BTBD9: variants seen among roughly 807,000 people sequenced by gnomAD.
BTBD9 encodes BTB domain containing 9.
BTBD9 carries 49 observed loss-of-function variants against 64.3 expected under a neutral mutation model. The observed-to-expected ratio is 0.76, with a 90% CI of 0.61 to 0.97. The LOEUF is 0.97. Among genes scored for constraint, BTBD9 ranks in the 50% least tolerant of loss-of-function variants. The pLI is 0.00. For synonymous variants in BTBD9, 260 were observed against 274.7 expected, an observed-to-expected ratio of 0.95 and a Z score of 0.53; for missense variants, 598 against 762.1, an observed-to-expected ratio of 0.78 and a Z score of 2.53.
chr6:38,622,639 A>G lies in BTBD9; in HGVS notation c.-28+17161T>C, dbSNP rs185591475. On this transcript the variant is annotated intron_variant, in intron 1 of 10. Coordinates refer to ENST00000481247, the MANE Select transcript of BTBD9 (RefSeq NM_001099272.2). ...TACACAAGCAATGAAAAGCCTATAC[A>G]TGGCCCTGTAACCACGAACACCGTG... Among the ~76,000 whole-genome samples the G allele has an allele frequency of 7.2e-5, 11 of 152,244 alleles. No individual in the cohort carries two copies. The East Asian group carries it at 2.1e-3, about 29-fold the overall frequency.
At chr6:38,303,495 TA>T (rs1414964925) in intron 7 of BTBD9, among the ~76,000 whole-genome samples, 1 of 152,064 alleles carries the variant, frequency 6.6e-6, no homozygotes, top group African/African-American at 2.4e-5. Context: ...TCTGAAAGTA[TA>T]AAACCTTTTA....
intron 9 of BTBD9, among the ~76,000 whole-genome samples, chr6:38,208,413 A>G (rs947242478): frequency 2.6e-5 from 4 of 152,188 alleles, no homozygotes; most frequent in Non-Finnish European, 4.4e-5. Context: ...AATCATATCT[A>G]AAGATGATCT....
At chr6:38,461,089 G>C (rs1770064228) in intron 6 of BTBD9, among the ~76,000 whole-genome samples, 1 of 152,224 alleles carries the variant, frequency 6.6e-6, no homozygotes, top group Admixed American at 6.5e-5. Flanking sequence ...GGGGTAAAGG[G>C]AATGGCACAG....
chr6:38,439,040 T>G (rs952251051), intron 6 of BTBD9, among the ~76,000 whole-genome samples: 1 of 150,882 alleles, frequency 6.6e-6, no homozygotes, highest in Non-Finnish European at 1.5e-5. Context: ...GAAGAGAGTA[T>G]AGTAAGACAG....
chr6:38,460,346 T>C (rs558144079), intron 6 of BTBD9, among the ~76,000 whole-genome samples: 1 of 152,356 alleles, frequency 6.6e-6, no homozygotes, highest in African/African-American at 2.4e-5. Context: ...CCTTATGTCA[T>C]TTCTACCCAG....
At chr6:38,374,323 A>G (rs183319895) in intron 6 of BTBD9, among the ~76,000 whole-genome samples, 33 of 121,792 alleles carry the variant, frequency 2.7e-4, no homozygotes, top group African/African-American at 8.9e-4. Flanking sequence ...ATATATATAT[A>G]TATGTATATA....
chr6:38,246,740 A>G (rs1252216573), intron 9 of BTBD9, among the ~76,000 whole-genome samples: 1 of 152,220 alleles, frequency 6.6e-6, no homozygotes, highest in East Asian at 1.9e-4. Flanking sequence ...ACACAACCAG[A>G]ACTCATTAAT....
At chr6:38,514,970 T>C (rs1298498452) in intron 6 of BTBD9, among the ~76,000 whole-genome samples, 2 of 152,210 alleles carry the variant, frequency 1.3e-5, no homozygotes, top group African/African-American at 4.8e-5. Flanking sequence ...GAACCTAACA[T>C]TTATATTTTA....
chr6:38,244,537 G>A (rs1378760159), intron 9 of BTBD9, among the ~76,000 whole-genome samples: 3 of 151,858 alleles, frequency 2.0e-5, no homozygotes, highest in Non-Finnish European at 4.4e-5. Context: ...TTAACCAGAC[G>A]AACTTGGGAT....
At chr6:38,633,677 T>G (rs1389902672) in intron 1 of BTBD9, among the ~76,000 whole-genome samples, 1 of 152,192 alleles carries the variant, frequency 6.6e-6, no homozygotes, top group Non-Finnish European at 1.5e-5. Context: ...AACACTTAGC[T>G]GCTTAAGAAG....
chr6:38,454,803 A>T (rs565436399), intron 6 of BTBD9, among the ~76,000 whole-genome samples: 338 of 122,738 alleles, frequency 2.8e-3, no homozygotes, highest in African/African-American at 8.5e-3. Context: ...TCTGTCTCTT[A>T]AAAAAAAAAA....
intron 6 of BTBD9, among the ~76,000 whole-genome samples, chr6:38,494,641 C>T (rs1438134887): frequency 2.0e-5 from 3 of 152,142 alleles, no homozygotes; most frequent in African/African-American, 7.2e-5. Context: ...TATATGTGAA[C>T]ATTTCTGTTT....
intron 8 of BTBD9, among the ~76,000 whole-genome samples, chr6:38,257,327 C>T (rs1008828203): frequency 7.9e-5 from 12 of 151,886 alleles, no homozygotes; most frequent in African/African-American, 2.9e-4. Context: ...CCTCAGCCTC[C>T]CAAGTAGTTA....
intron 6 of BTBD9, among the ~76,000 whole-genome samples, chr6:38,386,154 C>G (rs1766159796): frequency 6.6e-6 from 1 of 152,100 alleles, no homozygotes; most frequent in Admixed American, 6.6e-5. Flanking sequence ...ATTTGTAACC[C>G]TAAACGAAAA....
chr6:38,466,559 C>G (rs1263124865), intron 6 of BTBD9, among the ~76,000 whole-genome samples: 1 of 151,960 alleles, frequency 6.6e-6, no homozygotes, highest in Non-Finnish European at 1.5e-5. Flanking sequence ...TCCCAAATTG[C>G]TAGGGATTAC....
intron 6 of BTBD9, among the ~76,000 whole-genome samples, chr6:38,401,495 TCAAA>T (rs1297175790): frequency 6.6e-6 from 1 of 152,170 alleles, no homozygotes; most frequent in African/African-American, 2.4e-5. Flanking sequence ...CTATAATGGC[TCAAA>T]CAGTCTTGCT....
At chr6:38,465,364 T>A (rs2127358330) in intron 6 of BTBD9, among the ~76,000 whole-genome samples, 1 of 148,918 alleles carries the variant, frequency 6.7e-6, no homozygotes, top group East Asian at 2.0e-4. Flanking sequence ...ACGCCTGTAA[T>A]CCCAGCACTT....
intron 6 of BTBD9, among the ~76,000 whole-genome samples, chr6:38,364,797 T>C (rs1765121410): frequency 6.6e-6 from 1 of 152,188 alleles, no homozygotes. Flanking sequence ...TAACATATCA[T>C]ACACTGGAAA....
At chr6:38,229,555 C>A (rs1466941357) in intron 9 of BTBD9, among the ~76,000 whole-genome samples, 1 of 152,124 alleles carries the variant, frequency 6.6e-6, no homozygotes. Flanking sequence ...CAACACAGAG[C>A]ACAATAGGAA....
Sources: allele counts gnomAD v4.1 joint callset (sites outside exome capture counted in the v4.1 genomes callset), GRCh38; gene constraint gnomAD v4.1.1; transcripts MANE v1.5; gene names NCBI Gene and HGNC (gene_info 2026-07-23, HGNC 2026-07-21).